The following NEK10 variants were observed in gnomAD, a reference collection of about 807,000 sequenced individuals.
NEK10 encodes the protein NIMA related kinase 10.
A neutral mutation model predicts 159.8 loss-of-function variants in NEK10; 122 were observed. That is an observed-to-expected ratio of 0.76 (90% CI 0.66 to 0.89). The LOEUF is 0.89. Ranked by LOEUF, NEK10 falls within the 40% of genes least tolerant of loss-of-function variation. NEK10 has a pLI of 0.00. For synonymous variants in NEK10, 466 were observed against 457.1 expected (o/e 1.02, Z -0.25); for missense variants, 1,342 against 1,323.1 (o/e 1.01, Z -0.22).
rs142182174 is a variant in NEK10, at chr3:27,341,962, C to T, written c.362+2310G>A. ...ATTGGACCAAGGACCCAAATTCCCA[C>T]CCACCCCTCAATCTCATGCAGCCTT... On this transcript the variant is annotated intron_variant, in intron 5 of 35. Coordinates refer to ENST00000691995, the MANE Select transcript of NEK10 (RefSeq NM_001394966.1). 2.3e-3 allele frequency among the ~76,000 whole-genome samples: 350 copies of T among 151,854 alleles called. 1 individual carries two copies. The highest frequency in any genetic ancestry group is 0.01 in the Middle Eastern group (3 of 294).
intron 30 of NEK10, among the ~76,000 whole-genome samples, chr3:27,150,460 C>T (rs1165932578): frequency 6.6e-6 from 1 of 152,086 alleles, no homozygotes; most frequent in African/African-American, 2.4e-5. Flanking sequence ...AATACTAGAG[C>T]CCTTAAGAAT....
rs1159230194 is a variant in NEK10, at chr3:27,133,801, C to A, written c.2971-1811G>T. Reference sequence around the variant, plus strand: ...AAAAATAAAAAATGTATCTTTTATCCTAGTGTTTGAGTCAAAATACGTTAA... The same window carrying A: ...AAAAATAAAAAATGTATCTTTTATCATAGTGTTTGAGTCAAAATACGTTAA... On this transcript the variant is annotated intron_variant, in intron 31 of 35. Transcript: ENST00000691995. Among the ~76,000 whole-genome samples, 13 of 152,082 alleles carry A rather than the reference C, an allele frequency of 8.5e-5. No homozygotes were observed. The South Asian group carries it at 2.5e-3, about 29-fold the overall frequency.
chr3:27,217,716 C>T (rs1038148338), intron 23 of NEK10, among the ~76,000 whole-genome samples: 1 of 152,032 alleles, frequency 6.6e-6, no homozygotes, highest in Non-Finnish European at 1.5e-5. Flanking sequence ...AGACCAATAT[C>T]CCTTATAAAT....
intron 7 of NEK10, among the ~76,000 whole-genome samples, chr3:27,312,619 T>C (rs2044793503): frequency 2.0e-5 from 3 of 152,228 alleles, no homozygotes; most frequent in Non-Finnish European, 4.4e-5. Context: ...CTAACCAGCA[T>C]ACATGCAGTT....
chr3:27,152,731 A>G (rs1945006280), intron 30 of NEK10, among the ~76,000 whole-genome samples: 1 of 152,240 alleles, frequency 6.6e-6, no homozygotes, highest in Non-Finnish European at 1.5e-5. Flanking sequence ...CACAGAATGG[A>G]TCAGAACTCA....
intron 19 of NEK10, among the ~76,000 whole-genome samples, chr3:27,288,050 C>A (rs1162790892): frequency 1.3e-5 from 2 of 152,172 alleles, no homozygotes; most frequent in African/African-American, 4.8e-5. Flanking sequence ...TTAAGAATTC[C>A]TTTAGCACAC....
intron 20 of NEK10, among the ~76,000 whole-genome samples, chr3:27,285,519 C>CA (rs5847456): frequency 1.1e-3 from 148 of 132,018 alleles, no homozygotes; most frequent in South Asian, 4.7e-3. Context: ...CTTTCAAAAG[C>CA]AAAAAAAAAA....
intron 26 of NEK10, among the ~76,000 whole-genome samples, chr3:27,191,518 T>C (rs903712182): frequency 1.3e-5 from 2 of 152,204 alleles, no homozygotes; most frequent in Non-Finnish European, 2.9e-5. Flanking sequence ...TATACTTAAA[T>C]ATCAAAACAA....
chr3:27,352,733 T>C (rs932655029), intron 2 of NEK10, 79 bp downstream of exon 2: 2 of 1,002,608 alleles, frequency 2.0e-6, no homozygotes, highest in East Asian at 4.8e-5. Flanking sequence ...GAGTCTTCTC[T>C]ATTTCTCAAA....
At chr3:27,264,191 C>A (rs1337512693) in intron 22 of NEK10, among the ~76,000 whole-genome samples, 1 of 152,060 alleles carries the variant, frequency 6.6e-6, no homozygotes, top group Non-Finnish European at 1.5e-5. Context: ...AGGACCAGAT[C>A]AATTCAATGA....
intron 23 of NEK10, among the ~76,000 whole-genome samples, chr3:27,225,804 G>A (rs1041737779): frequency 2.0e-5 from 3 of 152,114 alleles, no homozygotes; most frequent in African/African-American, 7.2e-5. Context: ...TCTTGCTGAC[G>A]TAATCTGATT....
chr3:27,224,864 A>ATTATATTAGACAAATTC (rs1952466120), intron 23 of NEK10, among the ~76,000 whole-genome samples: 2 of 152,222 alleles, frequency 1.3e-5, no homozygotes, highest in Non-Finnish European at 2.9e-5. Context: ...CAATATCTGA[A>ATTATATTAGACAAATTC]AAGCACAGTA....
chr3:27,295,763 C>A (rs2043311026), intron 14 of NEK10, 73 bp from the exon 15 acceptor site: 6 of 1,439,426 alleles, frequency 4.2e-6, no homozygotes, highest in South Asian at 1.5e-5. Context: ...GGCAAATAAA[C>A]AATCTCAAAC....
chr3:27,261,287 C>T (rs2040391073), intron 22 of NEK10, among the ~76,000 whole-genome samples: 1 of 152,162 alleles, frequency 6.6e-6, no homozygotes, highest in Non-Finnish European at 1.5e-5. Flanking sequence ...TTTGCTCTTA[C>T]TTCTCTAGTT....
chr3:27,319,916 C>CTTGGAAGAGTCAG (rs760438289), intron 6 of NEK10, among the ~76,000 whole-genome samples: 57 of 152,166 alleles, frequency 3.7e-4, no homozygotes, highest in Non-Finnish European at 7.4e-4. Context: ...CGCTATGGAC[C>CTTGGAAGAGTCAG]CTGCAGTACT....
chr3:27,284,700 C>G lies in NEK10; in HGVS notation c.1916G>C (p.Cys639Ser), dbSNP rs1204539641. 1 of 1,605,316 alleles carries G rather than the reference C, an allele frequency of 6.2e-7. No homozygotes were observed. The highest frequency in any genetic ancestry group is 1.7e-5 in the Admixed American group (1 of 59,984). ...CTTGTGTAAGTATCGAAGAGCTAAG[C>G]ACAGCTTGAAACAATGAATAGAAAA... Reference protein sequence around the residue: ...ERLWKIFIQLCLALRYLHKEK... With the variant: ...ERLWKIFIQLSLALRYLHKEK... The change falls in exon 22 of 36, where the codon TGC becomes TCC. Residue 639 changes from cysteine to serine, a missense_variant. Transcript: ENST00000691995.
At chr3:27,234,125 A>G (rs1222362231) in intron 23 of NEK10, among the ~76,000 whole-genome samples, 5 of 152,126 alleles carry the variant, frequency 3.3e-5, no homozygotes, top group Non-Finnish European at 7.4e-5. Context: ...ACACCTCAAA[A>G]TAGTAAGAGC....
intron 22 of NEK10, 70 bp downstream of exon 22, chr3:27,284,532 C>G (rs745332209): frequency 3.9e-5 from 34 of 877,834 alleles, no homozygotes; most frequent in Admixed American, 9.0e-5. Context: ...AAAAGTTCTA[C>G]TGGACACTAC....
intron 23 of NEK10, among the ~76,000 whole-genome samples, chr3:27,243,291 T>A (rs1010871456): frequency 3.9e-5 from 6 of 152,092 alleles, no homozygotes; most frequent in Non-Finnish European, 7.4e-5. Context: ...AGTTAAGAAA[T>A]AAATTGATGT....
Sources: gnomAD v4.1 joint callset for allele counts (sites outside exome capture counted in the v4.1 genomes callset) on GRCh38, gnomAD v4.1.1 for gene constraint, MANE v1.5 for transcripts, NCBI Gene and HGNC (gene_info 2026-07-23, HGNC 2026-07-21) for gene names.